The following PACS1 variants were observed in gnomAD, a reference collection of about 807,000 sequenced individuals.
PACS1 encodes the protein phosphofurin acidic cluster sorting protein 1, also known as PACS-1.
PACS1 carries 24 observed loss-of-function variants against 115.0 expected under a neutral mutation model. The ratio of observed to expected loss-of-function variants is 0.21; its 90% CI spans 0.15 to 0.29. The LOEUF (loss-of-function observed/expected upper bound fraction) is 0.29. Ranked by LOEUF, PACS1 falls within the 10% of genes least tolerant of loss-of-function variation. The probability of loss-of-function intolerance (pLI) is 1.00; values close to 1 mark genes in which losing one functional copy is unlikely to be tolerated. For missense variants in PACS1, 838 were observed against 1,251.2 expected (o/e 0.67, Z 4.98); for synonymous variants, 453 against 504.5 (o/e 0.90, Z 1.37).
At chr11:66,208,094 C>T (rs990282492) in intron 2 of PACS1, among the ~76,000 whole-genome samples, 1 of 152,144 alleles carries the variant, frequency 6.6e-6, no homozygotes, top group Non-Finnish European at 1.5e-5. Flanking sequence ...AGCCTTCCCC[C>T]TATGGCCATT....
At chr11:66,200,008 G>A (rs907591053) in intron 2 of PACS1, among the ~76,000 whole-genome samples, 1 of 145,350 alleles carries the variant, frequency 6.9e-6, no homozygotes, top group South Asian at 2.2e-4. Flanking sequence ...AACTGTGCGA[G>A]ACTCTGTCTC....
intron 1 of PACS1, among the ~76,000 whole-genome samples, chr11:66,119,193 A>T (rs1858386565): frequency 6.6e-6 from 1 of 152,202 alleles, no homozygotes; most frequent in Non-Finnish European, 1.5e-5. Flanking sequence ...GTGGCCCACG[A>T]CCTGTTTTTG....
intron 1 of PACS1, among the ~76,000 whole-genome samples, chr11:66,133,215 G>A (rs1229708427): frequency 6.6e-6 from 1 of 152,124 alleles, no homozygotes; most frequent in African/African-American, 2.4e-5. Context: ...ACCTGTCTTC[G>A]TATAGCCATT....
chr11:66,132,408 A>G (rs563744477), intron 1 of PACS1, among the ~76,000 whole-genome samples: 15 of 152,200 alleles, frequency 9.9e-5, no homozygotes, highest in Non-Finnish European at 1.9e-4. Flanking sequence ...TAGTATCTTT[A>G]TAGCAGTGTG....
intron 1 of PACS1, among the ~76,000 whole-genome samples, chr11:66,171,198 T>A (rs1420701402): frequency 2.0e-5 from 3 of 150,424 alleles, no homozygotes; most frequent in Non-Finnish European, 4.4e-5. Flanking sequence ...TTTTATTAAG[T>A]TTATATAGGT....
chr11:66,193,337 G>A (rs1170859042), intron 1 of PACS1, 149 bp from the exon 2 acceptor site: 2 of 564,294 alleles, frequency 3.5e-6, no homozygotes, highest in Non-Finnish European at 6.5e-6. Context: ...AAGAGGGGAT[G>A]CTCTTCTACT....
chr11:66,204,290 GTA>G (rs1013315815), intron 2 of PACS1, among the ~76,000 whole-genome samples: 5 of 152,166 alleles, frequency 3.3e-5, no homozygotes, highest in African/African-American at 1.2e-4. Flanking sequence ...ATATGAAAGG[GTA>G]TGTAACATCA....
At chr11:66,224,514 A>G (rs1855433673) in intron 10 of PACS1, among the ~76,000 whole-genome samples, 1 of 152,130 alleles carries the variant, frequency 6.6e-6, no homozygotes, top group Non-Finnish European at 1.5e-5. Context: ...ACCGACTACT[A>G]TTGCTTTTAT....
chr11:66,221,258 C>A lies in PACS1; in HGVS notation c.1293+11C>A. 6.2e-7 allele frequency: 1 copy of A among 1,612,490 alleles called. No individual in the cohort carries two copies. Among genetic ancestry groups the A allele is most frequent in the South Asian group, 1.1e-5 (1 of 91,034 alleles). ...GACACCACCAGCCCTGTGAGCGCAA[C>A]CGCGACTGCGGGGCGGGGTGGGACC... is the stretch of plus-strand genomic sequence containing the variant. On this transcript the variant is annotated intron_variant, in intron 10 of 23. Transcript: ENST00000320580.
chr11:66,226,172 A>T (rs1467169631), intron 10 of PACS1, among the ~76,000 whole-genome samples: 1 of 152,152 alleles, frequency 6.6e-6, no homozygotes, highest in East Asian at 1.9e-4. Flanking sequence ...ATTCAGTCTC[A>T]AAAAAACAAC....
chr11:66,105,634 A>G (rs1449875052), intron 1 of PACS1, among the ~76,000 whole-genome samples: 4 of 152,206 alleles, frequency 2.6e-5, no homozygotes, highest in Non-Finnish European at 5.9e-5. Flanking sequence ...TTGCTTACTC[A>G]TCTTTTCAGA....
chr11:66,117,739 G>C (rs1858336882), intron 1 of PACS1, among the ~76,000 whole-genome samples: 1 of 150,028 alleles, frequency 6.7e-6, no homozygotes, highest in Non-Finnish European at 1.5e-5. Flanking sequence ...CCAGCTACTT[G>C]GGAGGCTGAG....
At chr11:66,162,916 C>T (rs1859525745) in intron 1 of PACS1, among the ~76,000 whole-genome samples, 1 of 152,206 alleles carries the variant, frequency 6.6e-6, no homozygotes, top group Non-Finnish European at 1.5e-5. Context: ...AATAAAATGA[C>T]CCTTTTTATT....
chr11:66,171,986 C>G (rs1170267040), intron 1 of PACS1, among the ~76,000 whole-genome samples: 1 of 152,154 alleles, frequency 6.6e-6, no homozygotes, highest in Non-Finnish European at 1.5e-5. Context: ...TAAAGTTAGT[C>G]AATTTCCATT....
At chr11:66,170,634 T>A (rs527318253) in intron 1 of PACS1, among the ~76,000 whole-genome samples, 27 of 149,906 alleles carry the variant, frequency 1.8e-4, no homozygotes, top group Non-Finnish European at 3.8e-4. Context: ...TACTGATTCT[T>A]TGAAATTTAT....
intron 1 of PACS1, among the ~76,000 whole-genome samples, chr11:66,098,038 A>G (rs1344314392): frequency 3.3e-5 from 5 of 152,122 alleles, no homozygotes; most frequent in Non-Finnish European, 7.4e-5. Context: ...TTAGCTGGGC[A>G]TGGTGGTGGG....
chr11:66,238,061 C>T, intron 19 of PACS1: 3 of 985,402 alleles, frequency 3.0e-6, no homozygotes, highest in Non-Finnish European at 3.6e-6. Context: ...CAGACCACAG[C>T]CTGGATGCTC....
intron 1 of PACS1, among the ~76,000 whole-genome samples, chr11:66,143,269 T>C (rs1383252401): frequency 1.3e-5 from 2 of 152,204 alleles, no homozygotes; most frequent in Admixed American, 6.5e-5. Context: ...TTAAAACTTC[T>C]TGCTGTAAAG....
chr11:66,124,411 A>C (rs781120124), intron 1 of PACS1, among the ~76,000 whole-genome samples: 1 of 152,208 alleles, frequency 6.6e-6, no homozygotes, highest in Non-Finnish European at 1.5e-5. Context: ...AGAGTTATAT[A>C]GTTAGGGTTG....
Sources: gnomAD v4.1 joint callset for allele counts (sites outside exome capture counted in the v4.1 genomes callset) on GRCh38, gnomAD v4.1.1 for gene constraint, MANE v1.5 for transcripts, NCBI Gene and HGNC (gene_info 2026-07-23, HGNC 2026-07-21) for gene names.